The following VPS13B variants were observed in gnomAD, a reference collection of about 807,000 sequenced individuals.
VPS13B encodes the protein vacuolar protein sorting 13 homolog B, also known as intermembrane lipid transfer protein VPS13B.
VPS13B carries 285 observed loss-of-function variants against 426.4 expected under a neutral mutation model. The observed-to-expected ratio is 0.67, with a 90% confidence interval of 0.61 to 0.74. The LOEUF (loss-of-function observed/expected upper bound fraction) is 0.74. Ranked by LOEUF, VPS13B falls within the 30% of genes least tolerant of loss-of-function variation. The probability of loss-of-function intolerance (pLI) is 0.00; values close to 1 mark genes in which losing one functional copy is unlikely to be tolerated. For missense variants in VPS13B, 4,537 were observed against 4,782.6 expected (o/e 0.95, Z 1.51); for synonymous variants, 1,676 against 1,676.4 (o/e 1.00, Z 0.01).
chr8:99,834,507 G>A (rs925060172), intron 52 of VPS13B, among the ~76,000 whole-genome samples: 19 of 151,984 alleles, frequency 1.3e-4, no homozygotes, highest in Non-Finnish European at 2.5e-4. Flanking sequence ...TTCTCTAGTA[G>A]TCCTTTTAAA....
chr8:99,862,368 T>A (rs1226392172), intron 58 of VPS13B, among the ~76,000 whole-genome samples: 5 of 152,282 alleles, frequency 3.3e-5, no homozygotes, highest in Admixed American at 6.5e-5. Context: ...AACATGCAAA[T>A]GTCACGTAAA....
chr8:99,318,659 A>G (rs951117532), intron 19 of VPS13B, among the ~76,000 whole-genome samples: 6 of 152,100 alleles, frequency 3.9e-5, no homozygotes, highest in Admixed American at 1.3e-4. Flanking sequence ...AGCTGGGACT[A>G]CAGGCACGCA....
At chr8:99,192,771 C>A in intron 16 of VPS13B, 105 bp from the exon 17 acceptor site, 1 of 1,207,220 alleles carries the variant, frequency 8.3e-7, no homozygotes, top group Non-Finnish European at 1.2e-6. Context: ...TGCATACATA[C>A]TTTGGATGTA....
chr8:99,550,740 C>T (rs1008223815), intron 30 of VPS13B, among the ~76,000 whole-genome samples: 1 of 151,984 alleles, frequency 6.6e-6, no homozygotes, highest in African/African-American at 2.4e-5. Flanking sequence ...ATGTTTAATG[C>T]ATAACATTTG....
intron 24 of VPS13B, among the ~76,000 whole-genome samples, chr8:99,477,034 A>G (rs898644487): frequency 2.6e-5 from 4 of 152,096 alleles, no homozygotes; most frequent in Admixed American, 1.3e-4. Context: ...CCAGTCTTCT[A>G]TTAAATTCAT....
intron 39 of VPS13B, among the ~76,000 whole-genome samples, chr8:99,752,997 G>A (rs996136795): frequency 6.6e-6 from 1 of 152,090 alleles, no homozygotes; most frequent in African/African-American, 2.4e-5. Flanking sequence ...GGAATCTCCA[G>A]GAGTCCCGGC....
intron 35 of VPS13B, among the ~76,000 whole-genome samples, chr8:99,677,324 T>G (rs1044784260): frequency 6.6e-6 from 1 of 152,202 alleles, no homozygotes; most frequent in African/African-American, 2.4e-5. Context: ...ATTTAAGAAA[T>G]GTAAACTAGT....
rs920619261 is a variant in VPS13B at position 99,756,962 on chromosome 8, A to T, written c.7051-9812A>T. Among the ~76,000 whole-genome samples, 10 of 152,344 alleles carry T rather than the reference A, an allele frequency of 6.6e-5. No individual in the cohort carries two copies. In the South Asian group the frequency reaches 1.9e-3, roughly 28 times the overall value. On this transcript the variant is annotated intron_variant, in intron 39 of 61. Transcript: ENST00000357162. The stretch of plus-strand genomic sequence containing the variant: ...GCAGGTTACTTAACTTCACTGAGCC[A>T]TATTTCACTCATTTATAACATGGGA...
chr8:99,761,654 T>C (rs1407601006), intron 39 of VPS13B, among the ~76,000 whole-genome samples: 2 of 152,224 alleles, frequency 1.3e-5, no homozygotes, highest in East Asian at 3.8e-4. Flanking sequence ...ATATTTTCTG[T>C]ATACCCTCTC....
intron 21 of VPS13B, among the ~76,000 whole-genome samples, chr8:99,393,192 T>C (rs927442137): frequency 9.2e-5 from 14 of 152,070 alleles, no homozygotes; most frequent in Non-Finnish European, 1.8e-4. Context: ...ATAGATGATA[T>C]AGAACTATTT....
chr8:99,135,085 A>G lies in VPS13B; in HGVS notation c.1373A>G (p.Lys458Arg). 6.2e-7 allele frequency: 1 copy of G among 1,613,604 alleles called. No individual in the cohort carries two copies. Among genetic ancestry groups the G allele is most frequent in the Non-Finnish European group, 8.5e-7 (1 of 1,179,634 alleles). The change falls in exon 10 of 62, where the codon AAA becomes AGA. Residue 458 changes from lysine to arginine, a missense_variant. By Grantham distance (26) the Lys-to-Arg change is conservative. Coordinates refer to ENST00000357162, the MANE Select transcript of VPS13B (RefSeq NM_152564.5). ...GFVGCRAMCL[K>R]GIMGVKDFEE... The stretch of plus-strand genomic sequence containing the variant: ...GTTGGTTGCAGAGCCATGTGCCTTA[A>G]AGGAATTATGGGTGTTAAAGATTTT...
chr8:99,611,246 A>G (rs1309409208), intron 33 of VPS13B, among the ~76,000 whole-genome samples: 1 of 152,158 alleles, frequency 6.6e-6, no homozygotes, highest in Non-Finnish European at 1.5e-5. Flanking sequence ...TCCTTCCTAT[A>G]GAAAATATAA....
intron 23 of VPS13B, among the ~76,000 whole-genome samples, chr8:99,455,187 G>T (rs186453349): frequency 6.6e-6 from 1 of 152,078 alleles, no homozygotes. Flanking sequence ...AAAAGTCAGG[G>T]TTATCTAGAT....
At chr8:99,804,425 A>G (rs1445222247) in intron 43 of VPS13B, 1 of 152,204 alleles carries the variant, frequency 6.6e-6, no homozygotes, top group Non-Finnish European at 1.5e-5. Flanking sequence ...CCAACCTCCT[A>G]TCAAGTATCT....
At chr8:99,185,121 C>T (rs986805032) in intron 16 of VPS13B, among the ~76,000 whole-genome samples, 1 of 152,164 alleles carries the variant, frequency 6.6e-6, no homozygotes, top group East Asian at 1.9e-4. Flanking sequence ...GATTTGTATT[C>T]ATGTAAAGAT....
chr8:99,405,817 C>T (rs973125192), intron 21 of VPS13B, among the ~76,000 whole-genome samples: 6 of 149,164 alleles, frequency 4.0e-5, no homozygotes, highest in African/African-American at 7.4e-5. Context: ...CTTGCTCTGT[C>T]GCCCAGGCTG....
At chr8:99,706,047 T>C (rs1832485318) in intron 36 of VPS13B, among the ~76,000 whole-genome samples, 1 of 152,056 alleles carries the variant, frequency 6.6e-6, no homozygotes, top group Non-Finnish European at 1.5e-5. Flanking sequence ...CTGAACTCGA[T>C]TTGAACCTTG....
At chr8:99,496,558 G>C (rs899246125) in intron 25 of VPS13B, among the ~76,000 whole-genome samples, 20 of 152,112 alleles carry the variant, frequency 1.3e-4, no homozygotes. Context: ...GGCTGAGGCA[G>C]GAGAATGGCG....
chr8:99,315,517 C>T (rs191841522), intron 19 of VPS13B, among the ~76,000 whole-genome samples: 231 of 150,864 alleles, frequency 1.5e-3, no homozygotes, highest in African/African-American at 5.2e-3. Flanking sequence ...TGGTAAATGT[C>T]TCATTCAAAT....
Sources: allele counts gnomAD v4.1 joint callset (sites outside exome capture counted in the v4.1 genomes callset), GRCh38; gene constraint gnomAD v4.1.1; transcripts MANE v1.5; gene names NCBI Gene and HGNC (gene_info 2026-07-23, HGNC 2026-07-21).